Variants in MCTP1 observed in about 807,000 individuals in gnomAD.
The protein encoded by MCTP1 is multiple C2 and transmembrane domain-containing protein 1.
Under a neutral mutation model 120.6 loss-of-function variants are expected in MCTP1, and 69 were observed. The observed-to-expected ratio is 0.57, with a 90% confidence interval of 0.47 to 0.70. The LOEUF (loss-of-function observed/expected upper bound fraction) is 0.70, where lower values mean the gene tolerates loss of function less well. Among genes scored for constraint, MCTP1 ranks in the 30% least tolerant of loss-of-function variants. The probability of loss-of-function intolerance (pLI) is 0.00; values close to 1 mark genes in which losing one functional copy is unlikely to be tolerated. For synonymous variants in MCTP1, 529 were observed against 493.1 expected (o/e 1.07, Z -0.96); for missense variants, 1,203 against 1,248.8 (o/e 0.96, Z 0.55).
intron 1 of MCTP1, among the ~76,000 whole-genome samples, chr5:95,125,114 T>C (rs759319314): frequency 5.7e-4 from 87 of 152,232 alleles, no homozygotes; most frequent in Non-Finnish European, 8.8e-4. Flanking sequence ...TGGATGTGTA[T>C]GTTTTGTGCA....
chr5:94,954,169 CAT>C (rs1217312769), intron 2 of MCTP1, among the ~76,000 whole-genome samples: 2,683 of 79,942 alleles, frequency 0.034, 637 homozygotes, highest in African/African-American at 0.062. Context: ...CATATATATA[CAT>C]ATATATATAT....
At chr5:95,110,199 C>T (rs918931494) in intron 1 of MCTP1, among the ~76,000 whole-genome samples, 1 of 152,028 alleles carries the variant, frequency 6.6e-6, no homozygotes, top group African/African-American at 2.4e-5. Context: ...TATGGACTCT[C>T]TGCCATAATA....
intron 1 of MCTP1, among the ~76,000 whole-genome samples, chr5:95,115,508 G>T: frequency 6.6e-6 from 1 of 151,954 alleles, no homozygotes; most frequent in East Asian, 1.9e-4. Flanking sequence ...ATGCATCAGA[G>T]TCTTTTAATA....
At chr5:94,873,111 T>C (rs750634270) in intron 13 of MCTP1, 28 bp downstream of exon 13, 9 of 1,271,260 alleles carry the variant, frequency 7.1e-6, no homozygotes, top group Non-Finnish European at 9.2e-6. Context: ...CAATTTTGGA[T>C]TCAGAGCCCA....
intron 1 of MCTP1, among the ~76,000 whole-genome samples, chr5:95,166,329 T>C (rs546557535): frequency 6.6e-6 from 1 of 152,304 alleles, no homozygotes; most frequent in African/African-American, 2.4e-5. Flanking sequence ...TATAAGCATG[T>C]AGTGCTTCAC....
chr5:95,272,514 C>T (rs1019647714), intron 1 of MCTP1, among the ~76,000 whole-genome samples: 1 of 152,212 alleles, frequency 6.6e-6, no homozygotes, highest in East Asian at 1.9e-4. Context: ...TACAAAGATC[C>T]TCTCATGGCA....
intron 19 of MCTP1, among the ~76,000 whole-genome samples, chr5:94,729,966 A>G (rs1169505461): frequency 1.3e-5 from 2 of 152,224 alleles, no homozygotes; most frequent in African/African-American, 4.8e-5. Context: ...GTAGAAATAT[A>G]CTGTGTGGGG....
At chr5:94,898,750 T>A (rs1026402919) in intron 10 of MCTP1, among the ~76,000 whole-genome samples, 6 of 152,208 alleles carry the variant, frequency 3.9e-5, no homozygotes, top group Non-Finnish European at 5.9e-5. Context: ...TGTTCACAGA[T>A]ACATACACAG....
At chr5:95,241,532 C>T (rs1352195890) in intron 1 of MCTP1, among the ~76,000 whole-genome samples, 1 of 152,186 alleles carries the variant, frequency 6.6e-6, no homozygotes, top group Non-Finnish European at 1.5e-5. Flanking sequence ...CCTGCTAAAG[C>T]TTAGCCAATA....
intron 1 of MCTP1, among the ~76,000 whole-genome samples, chr5:95,253,707 C>G (rs1757605105): frequency 6.6e-6 from 1 of 151,932 alleles, no homozygotes; most frequent in African/African-American, 2.4e-5. Context: ...CAAATCCAAA[C>G]TAATATAAAA....
At chr5:94,920,062 A>G (rs1245752053) in intron 7 of MCTP1, among the ~76,000 whole-genome samples, 2 of 152,058 alleles carry the variant, frequency 1.3e-5, no homozygotes, top group Non-Finnish European at 2.9e-5. Context: ...GAAGTTCTTT[A>G]TGTTTACTTA....
chr5:95,210,478 C>A (rs1046299918), intron 1 of MCTP1, among the ~76,000 whole-genome samples: 1 of 150,100 alleles, frequency 6.7e-6, no homozygotes, highest in Non-Finnish European at 1.5e-5. Flanking sequence ...TCTGTTTTAT[C>A]AGAGACTAGG....
intron 17 of MCTP1, among the ~76,000 whole-genome samples, chr5:94,835,860 C>T (rs994917755): frequency 1.2e-4 from 18 of 151,910 alleles, no homozygotes; most frequent in African/African-American, 3.4e-4. Flanking sequence ...AAAAATTAGC[C>T]GGGTGTGGTG....
chr5:94,943,643 G>T (rs1396370145), intron 3 of MCTP1, among the ~76,000 whole-genome samples: 1 of 152,134 alleles, frequency 6.6e-6, no homozygotes, highest in Non-Finnish European at 1.5e-5. Context: ...TTACAGTTTA[G>T]TGAGGGAGAC....
At chr5:95,265,548 G>A (rs1758813937) in intron 1 of MCTP1, among the ~76,000 whole-genome samples, 1 of 152,120 alleles carries the variant, frequency 6.6e-6, no homozygotes, top group African/African-American at 2.4e-5. Flanking sequence ...TTTATAAGAT[G>A]GCCATGAAAT....
At chr5:94,713,992 G>A (rs892195082) in intron 20 of MCTP1, among the ~76,000 whole-genome samples, 7 of 152,070 alleles carry the variant, frequency 4.6e-5, no homozygotes, top group Admixed American at 3.3e-4. Flanking sequence ...TTCTTGAATA[G>A]ACCATTAGCA....
chr5:94,850,002 A>G (rs1481730468), intron 17 of MCTP1, among the ~76,000 whole-genome samples: 1 of 152,170 alleles, frequency 6.6e-6, no homozygotes, highest in Non-Finnish European at 1.5e-5. Context: ...AGGATCCGAG[A>G]TGGTAACAGC....
intron 1 of MCTP1, among the ~76,000 whole-genome samples, chr5:95,150,525 T>C (rs111701915): frequency 3.3e-5 from 5 of 152,358 alleles, no homozygotes; most frequent in African/African-American, 9.6e-5. Context: ...CAGTTTTATC[T>C]AGTTACTTTT....
intron 2 of MCTP1, among the ~76,000 whole-genome samples, chr5:94,973,963 T>C (rs1827479361): frequency 6.6e-6 from 1 of 152,106 alleles, no homozygotes; most frequent in African/African-American, 2.4e-5. Flanking sequence ...AGAACCTCCT[T>C]AAGGTCATTG....
Sources: allele counts gnomAD v4.1 joint callset (sites outside exome capture counted in the v4.1 genomes callset), GRCh38; gene constraint gnomAD v4.1.1; transcripts MANE v1.5; gene names NCBI Gene and HGNC (gene_info 2026-07-23, HGNC 2026-07-21).